LPP: variants seen among roughly 807,000 people sequenced by gnomAD.
LPP encodes the protein lipoma-preferred partner.
A neutral mutation model predicts 60.4 loss-of-function variants in LPP; 38 were observed. The ratio of observed to expected loss-of-function variants is 0.63; its 90% CI spans 0.49 to 0.83. The LOEUF (loss-of-function observed/expected upper bound fraction) is 0.83. LPP is among the 40% of genes least tolerant of loss of function. LPP has a pLI of 0.00. For missense variants in LPP, 902 were observed against 783.6 expected (o/e 1.15, Z -1.80); for synonymous variants, 328 against 290.8 (o/e 1.13, Z -1.30).
At chr3:188,696,612 T>C (rs1294004064) in intron 7 of LPP, among the ~76,000 whole-genome samples, 2 of 152,138 alleles carry the variant, frequency 1.3e-5, no homozygotes, top group Non-Finnish European at 2.9e-5. Flanking sequence ...ACAAAGTAAA[T>C]TCTATTTACC....
chr3:188,566,454 C>T (rs975562421), intron 6 of LPP, among the ~76,000 whole-genome samples: 2 of 151,838 alleles, frequency 1.3e-5, no homozygotes, highest in African/African-American at 4.8e-5. Flanking sequence ...CCAAATAACT[C>T]AGATTTAAAA....
chr3:188,655,497 G>A (rs1237268134), intron 7 of LPP, among the ~76,000 whole-genome samples: 2 of 152,172 alleles, frequency 1.3e-5, no homozygotes, highest in Admixed American at 1.3e-4. Flanking sequence ...AACGATGCTG[G>A]GTAGAAGATG....
chr3:188,156,262 G>A (rs1716382643), intron 1 of LPP, among the ~76,000 whole-genome samples: 1 of 152,154 alleles, frequency 6.6e-6, no homozygotes, highest in Non-Finnish European at 1.5e-5. Flanking sequence ...GCAGAGGGAG[G>A]AGAAGCTGAG....
At chr3:188,302,021 A>T (rs1750054086) in intron 2 of LPP, among the ~76,000 whole-genome samples, 1 of 152,034 alleles carries the variant, frequency 6.6e-6, no homozygotes, top group Non-Finnish European at 1.5e-5. Context: ...TAACATTCTC[A>T]GGGAGTTTAG....
intron 3 of LPP, among the ~76,000 whole-genome samples, chr3:188,402,655 G>A (rs939505511): frequency 5.3e-5 from 8 of 152,212 alleles, no homozygotes; most frequent in Admixed American, 3.9e-4. Flanking sequence ...AAAGAGTAAC[G>A]TTCATTCATT....
chr3:188,422,913 TTGTGTGTGTGTGTGTGTGTGTG>T (rs10689970), intron 4 of LPP, among the ~76,000 whole-genome samples: 2 of 133,806 alleles, frequency 1.5e-5, no homozygotes, highest in Non-Finnish European at 3.2e-5. Flanking sequence ...GGTGTCTTCT[TTGTGTGTGTGTGTGTGTGTGTG>T]TGTGTGTGTG....
intron 6 of LPP, among the ~76,000 whole-genome samples, chr3:188,546,506 G>A (rs924759834): frequency 2.5e-4 from 38 of 152,182 alleles, no homozygotes; most frequent in African/African-American, 9.2e-4. Flanking sequence ...AAGAAAAGAA[G>A]CAACGTAACA....
chr3:188,374,095 G>T (rs1204533285), intron 3 of LPP, among the ~76,000 whole-genome samples: 7 of 152,192 alleles, frequency 4.6e-5, no homozygotes, highest in Non-Finnish European at 1.0e-4. Flanking sequence ...GTACCATGCT[G>T]CTTTGGTTAC....
At chr3:188,461,214 T>C (rs886495261) in intron 4 of LPP, among the ~76,000 whole-genome samples, 1 of 152,196 alleles carries the variant, frequency 6.6e-6, no homozygotes, top group Non-Finnish European at 1.5e-5. Flanking sequence ...TAGTGACCCC[T>C]AAGGATATCA....
intron 4 of LPP, among the ~76,000 whole-genome samples, chr3:188,430,193 A>G (rs571570153): frequency 6.6e-6 from 1 of 152,032 alleles, no homozygotes; most frequent in South Asian, 2.1e-4. Context: ...TTTAGACTTA[A>G]TAAGTCTAAA....
intron 7 of LPP, among the ~76,000 whole-genome samples, chr3:188,637,919 G>T (rs1317863614): frequency 1.3e-5 from 2 of 149,900 alleles, no homozygotes; most frequent in East Asian, 3.9e-4. Flanking sequence ...ATTCACAGCC[G>T]AATTCTACCA....
chr3:188,279,884 G>A (rs1741316064), intron 2 of LPP, among the ~76,000 whole-genome samples: 1 of 152,192 alleles, frequency 6.6e-6, no homozygotes, highest in South Asian at 2.1e-4. Context: ...AGAGAGCTGT[G>A]TGTCTCCACC....
At chr3:188,452,387 T>A (rs1358954682) in intron 4 of LPP, among the ~76,000 whole-genome samples, 1 of 152,050 alleles carries the variant, frequency 6.6e-6, no homozygotes, top group Non-Finnish European at 1.5e-5. Context: ...TCTTGTTTCC[T>A]TTCTCCCCAG....
intron 9 of LPP, among the ~76,000 whole-genome samples, chr3:188,852,279 C>A (rs1206098668): frequency 1.3e-5 from 2 of 152,170 alleles, no homozygotes; most frequent in East Asian, 3.9e-4. Context: ...TCTCCTTACA[C>A]CTGGGCCAGG....
At chr3:188,652,725 A>G (rs1852348869) in intron 7 of LPP, among the ~76,000 whole-genome samples, 1 of 152,172 alleles carries the variant, frequency 6.6e-6, no homozygotes, top group South Asian at 2.1e-4. Context: ...AACTGCCTTG[A>G]TGAAGCCTTT....
intron 9 of LPP, among the ~76,000 whole-genome samples, chr3:188,815,040 C>T (rs551861131): frequency 1.6e-4 from 25 of 152,330 alleles, no homozygotes; most frequent in Non-Finnish European, 2.8e-4. Flanking sequence ...TTCAGTGCTT[C>T]GCGCACAATA....
At chr3:188,411,053 A>G (rs1211709087) in intron 4 of LPP, among the ~76,000 whole-genome samples, 1 of 152,162 alleles carries the variant, frequency 6.6e-6, no homozygotes, top group Non-Finnish European at 1.5e-5. Flanking sequence ...TGCAAATGCC[A>G]TTATTTCATT....
Position 188,596,126 on chromosome 3 carries a change from C to T in LPP, c.430-13035C>T, listed in dbSNP as rs968431625. Reference sequence around the variant, plus strand: ...AATTCTTTTTGAAGCAGCAGATGTGCCTGGTACACCCGTTTGCTGTAACCA... The same window carrying T: ...AATTCTTTTTGAAGCAGCAGATGTGTCTGGTACACCCGTTTGCTGTAACCA... On this transcript the variant is annotated intron_variant, in intron 6 of 11. Transcript: ENST00000617246. Among the ~76,000 whole-genome samples, 4 of 152,066 alleles carry T rather than the reference C, an allele frequency of 2.6e-5. No homozygotes were observed. In the East Asian group the frequency reaches 5.8e-4, roughly 22 times the overall value.
intron 1 of LPP, among the ~76,000 whole-genome samples, chr3:188,166,512 CAT>C (rs776816696): frequency 1.2e-4 from 18 of 152,200 alleles, no homozygotes; most frequent in African/African-American, 3.6e-4. Flanking sequence ...TTTATGGAAA[CAT>C]GTGTTTTCCT....
Sources: allele counts gnomAD v4.1 joint callset (sites outside exome capture counted in the v4.1 genomes callset), GRCh38; gene constraint gnomAD v4.1.1; transcripts MANE v1.5; gene names NCBI Gene and HGNC (gene_info 2026-07-23, HGNC 2026-07-21).